Variants in ANKRD11 observed in about 807,000 individuals in gnomAD.
The protein encoded by ANKRD11 is ankyrin repeat domain 11.
ANKRD11 carries 17 observed loss-of-function variants against 195.7 expected under a neutral mutation model. That is an observed-to-expected ratio of 0.09 (90% confidence interval 0.06 to 0.13). The LOEUF (loss-of-function observed/expected upper bound fraction) is 0.13, where lower values mean the gene tolerates loss of function less well. ANKRD11 is among the 10% of genes least tolerant of loss of function. The pLI is 1.00. For synonymous variants in ANKRD11, 1,953 were observed against 1,528.1 expected (o/e 1.28, Z -6.49); for missense variants, 3,735 against 3,566.1 (o/e 1.05, Z -1.21).
Position 89,279,739 on chromosome 16 carries a change from A to C in ANKRD11, c.6803T>G (p.Leu2268Arg). 1 of 1,531,880 alleles carries C rather than the reference A, an allele frequency of 6.5e-7. No homozygotes were observed. Among genetic ancestry groups the C allele is most frequent in the Non-Finnish European group, 8.7e-7 (1 of 1,143,604 alleles). 94.9% of individuals were successfully genotyped at this position (1,531,880 alleles called of 1,614,324 possible). A position where few individuals can be genotyped will look rare whatever the true frequency, so the allele number is the denominator to read the frequency against. The part of the protein sequence containing the change: ...AEAEGPPAAS[L>R]CAPDGPAPNT... ...CGGGGCGGGGCCGTCAGGGGCACAG[A>C]GGGACGCGGCGGGGGGGCCTTCAGC... The change falls in exon 9 of 13, where the codon CTC becomes CGC. Residue 2268 changes from leucine to arginine, a missense_variant. Physicochemically the swap from Leu to Arg is moderately radical, Grantham distance 102 (BLOSUM62 -2). Coordinates refer to ENST00000301030, the MANE Select transcript of ANKRD11 (RefSeq NM_013275.6). The surrounding 1 kb of genome is among the most constrained non-coding windows in gnomAD (Gnocchi z 5.6).
At chr16:89,433,320 T>TGGCCC (rs2043077982) in intron 1 of ANKRD11, among the ~76,000 whole-genome samples, 1 of 151,988 alleles carries the variant, frequency 6.6e-6, no homozygotes, top group Admixed American at 6.5e-5. Flanking sequence ...AACCTACAAG[T>TGGCCC]TAATTAGTCC....
Position 89,283,924 on chromosome 16 carries a change from A to T in ANKRD11, c.2618T>A (p.Val873Glu). 6.2e-7 allele frequency: 1 copy of T among 1,614,096 alleles called. No individual in the cohort carries two copies. Among genetic ancestry groups the T allele is most frequent in the Non-Finnish European group, 8.5e-7 (1 of 1,180,026 alleles). The part of the protein sequence containing the change: ...TDYRDMKSDS[V>E]AKLILETVKE... ...CACCGTCTCCAAGATGAGCTTGGCC[A>T]CAGAGTCGCTCTTCATGTCCCTGTA... is the stretch of plus-strand genomic sequence containing the variant. Residue 873 changes from valine (V) to glutamate (E), a missense_variant, in exon 9 of 13, where the codon GTG becomes GAG. By Grantham distance (121) the Val-to-Glu change is moderately radical. Transcript: ENST00000301030. This position sits in a 1 kb window ranked among gnomAD's most constrained non-coding sequence, Gnocchi z 4.3.
At position 89,281,337 on chromosome 16, in the gene ANKRD11, G is replaced by C; in HGVS notation, c.5205C>G (p.Leu1735=). The C allele has an allele frequency of 6.2e-7, 1 of 1,613,550 alleles. No homozygotes were observed. Among genetic ancestry groups the C allele is most frequent in the Non-Finnish European group, 8.5e-7 (1 of 1,179,588 alleles). The change falls in exon 9 of 13, where the codon CTC becomes CTG. Residue 1735 remains leucine (L), a synonymous_variant. Coordinates refer to ENST00000301030, the MANE Select transcript of ANKRD11 (RefSeq NM_013275.6). This position sits in a 1 kb window ranked among gnomAD's most constrained non-coding sequence, Gnocchi z 5.5. ...GCTGCGAGTCGGCGCAGTCGAACACGAGGTCCGCGTAGTCATCGGCGCTGC... is the reference window on the plus strand; with the variant it reads ...GCTGCGAGTCGGCGCAGTCGAACACCAGGTCCGCGTAGTCATCGGCGCTGC... ...PSCSADDYAD[L]VFDCADSQHS... is the part of the protein sequence containing the mutation.
intron 1 of ANKRD11, among the ~76,000 whole-genome samples, chr16:89,482,275 C>G (rs79754308): frequency 9.8e-5 from 15 of 152,298 alleles, no homozygotes; most frequent in Non-Finnish European, 2.1e-4. Flanking sequence ...AGGTGAGCCA[C>G]ACGTCAGCCA....
intron 2 of ANKRD11, chr16:89,343,809 G>C (rs1375209913): frequency 6.6e-6 from 1 of 152,336 alleles, no homozygotes; most frequent in Admixed American, 6.5e-5. Flanking sequence ...AGCGGTCCCC[G>C]CGTCGCCCAT....
intron 4 of ANKRD11, among the ~76,000 whole-genome samples, chr16:89,304,423 TAC>T (rs1311742873): frequency 6.9e-6 from 1 of 143,940 alleles, no homozygotes; most frequent in Non-Finnish European, 1.5e-5. Context: ...CGCACATATA[TAC>T]AGGCACACAC....
chr16:89,306,080 TACCTCCCACTCCGCAGACACGCGCC>T (rs1383030903), intron 3 of ANKRD11, among the ~76,000 whole-genome samples: 2 of 65,256 alleles, frequency 3.1e-5, no homozygotes, highest in African/African-American at 6.7e-5. Flanking sequence ...ACGCGCCATC[TACCTCCCACTCCGCAGACACGCGCC>T]ACCTCCCACT....
chr16:89,354,751 G>A (rs1227857249), intron 2 of ANKRD11, among the ~76,000 whole-genome samples: 3 of 152,052 alleles, frequency 2.0e-5, no homozygotes, highest in South Asian at 2.1e-4. Flanking sequence ...GCATGGTGGC[G>A]AGCACCTGTA....
chr16:89,320,102 G>C (rs1010532583), intron 2 of ANKRD11: 4 of 152,506 alleles, frequency 2.6e-5, no homozygotes, highest in African/African-American at 9.6e-5. Flanking sequence ...ACTCATGGGT[G>C]TTGTCTGAGG....
intron 7 of ANKRD11, 135 bp from the exon 8 acceptor site, chr16:89,286,321 G>A: frequency 7.8e-7 from 1 of 1,284,956 alleles, no homozygotes; most frequent in Non-Finnish European, 1.1e-6. Flanking sequence ...TGAGGGTGTG[G>A]GAGCCGAGCG....
chr16:89,283,957 A>C lies in ANKRD11; in HGVS notation c.2585T>G (p.Val862Gly). 6.2e-7 allele frequency: 1 copy of C among 1,614,118 alleles called. No individual in the cohort carries two copies. Among genetic ancestry groups the C allele is most frequent in the Non-Finnish European group, 8.5e-7 (1 of 1,180,024 alleles). The change falls in exon 9 of 13, where the codon GTG (valine) becomes GGG (glycine). Residue 862 changes from valine (V) to glycine (G), a missense_variant. Physicochemically the swap from Val to Gly is moderately radical, Grantham distance 109. Coordinates refer to ENST00000301030, the MANE Select transcript of ANKRD11 (RefSeq NM_013275.6). This position sits in a 1 kb window ranked among gnomAD's most constrained non-coding sequence, Gnocchi z 4.3. ...GCTCTTCATGTCCCTGTAGTCTGTCACTGGCGAGTCCCAGCTGTCCTCCCC... is the reference window on the plus strand; with the variant it reads ...GCTCTTCATGTCCCTGTAGTCTGTCCCTGGCGAGTCCCAGCTGTCCTCCCC... ...FKGEDSWDSP[V>G]TDYRDMKSDS... is the part of the protein sequence containing the mutation.
intron 1 of ANKRD11, among the ~76,000 whole-genome samples, chr16:89,438,845 A>G (rs1234548958): frequency 6.6e-6 from 1 of 152,088 alleles, no homozygotes; most frequent in Non-Finnish European, 1.5e-5. Context: ...TCTCTATAAA[A>G]AATTTTAAAA....
At chr16:89,379,721 T>G (rs1196869100) in intron 2 of ANKRD11, among the ~76,000 whole-genome samples, 1 of 152,208 alleles carries the variant, frequency 6.6e-6, no homozygotes, top group East Asian at 1.9e-4. Context: ...GTGCACGGAT[T>G]TGCGAAGAAC....
intron 2 of ANKRD11, among the ~76,000 whole-genome samples, chr16:89,351,234 G>A (rs1320979420): frequency 3.9e-5 from 6 of 152,170 alleles, no homozygotes; most frequent in Admixed American, 6.5e-5. Context: ...GGGGTTCCAC[G>A]GCAAAGAATG....
intron 2 of ANKRD11, among the ~76,000 whole-genome samples, chr16:89,334,663 T>A (rs1191779039): frequency 6.6e-6 from 1 of 151,780 alleles, no homozygotes; most frequent in Non-Finnish European, 1.5e-5. Context: ...AGGGGCCACA[T>A]CCACGAGGGC....
intron 3 of ANKRD11, among the ~76,000 whole-genome samples, chr16:89,315,846 G>GGAA (rs2036922812): frequency 1.3e-5 from 2 of 152,202 alleles, no homozygotes; most frequent in South Asian, 4.1e-4. Flanking sequence ...GTTCGCGTGT[G>GGAA]GAACCCCTGC....
At chr16:89,336,437 T>C (rs2038357444) in intron 2 of ANKRD11, among the ~76,000 whole-genome samples, 1 of 152,168 alleles carries the variant, frequency 6.6e-6, no homozygotes, top group Non-Finnish European at 1.5e-5. Flanking sequence ...GCTTCTGTGG[T>C]GCTAGGGACC....
intron 2 of ANKRD11, among the ~76,000 whole-genome samples, chr16:89,377,512 T>C (rs1597838486): frequency 2.0e-5 from 3 of 151,172 alleles, no homozygotes; most frequent in African/African-American, 7.3e-5. Context: ...GGATGAAGGG[T>C]TTCATTTCAA....
intron 4 of ANKRD11, among the ~76,000 whole-genome samples, chr16:89,292,477 A>G (rs2035126855): frequency 6.6e-6 from 1 of 152,100 alleles, no homozygotes; most frequent in Non-Finnish European, 1.5e-5. Flanking sequence ...CACCCACTCT[A>G]GTTCTTTCCA....
Sources: gnomAD v4.1 joint callset for allele counts (sites outside exome capture counted in the v4.1 genomes callset) on GRCh38, gnomAD v4.1.1 for gene constraint, Gnocchi (gnomAD v3.1) non-coding constraint, MANE v1.5 for transcripts, NCBI Gene and HGNC (gene_info 2026-07-23, HGNC 2026-07-21) for gene names.